The following PDE8A variants were observed in gnomAD, a reference collection of about 807,000 sequenced individuals.
The protein encoded by PDE8A is phosphodiesterase 8A.
Under a neutral mutation model 105.0 loss-of-function variants are expected in PDE8A, and 59 were observed. The ratio of observed to expected loss-of-function variants is 0.56; its 90% CI spans 0.46 to 0.70. The LOEUF (loss-of-function observed/expected upper bound fraction) is 0.70, where lower values mean the gene tolerates loss of function less well. Ranked by LOEUF, PDE8A falls within the 30% of genes least tolerant of loss-of-function variation. The probability of loss-of-function intolerance (pLI) is 0.00; values close to 1 mark genes in which losing one functional copy is unlikely to be tolerated. For missense variants in PDE8A, 1,014 were observed against 1,045.9 expected (o/e 0.97, Z 0.42); for synonymous variants, 355 against 371.9 (o/e 0.95, Z 0.52).
At chr15:85,078,145 C>CAA (rs34715649) in intron 5 of PDE8A, among the ~76,000 whole-genome samples, 4,054 of 119,960 alleles carry the variant, frequency 0.034, 164 homozygotes, top group African/African-American at 0.098. Flanking sequence ...AGTGAAACTG[C>CAA]AAAAAAAAAA....
chr15:85,114,187 G>C, intron 14 of PDE8A, 150 bp downstream of exon 14: 1 of 675,640 alleles, frequency 1.5e-6, no homozygotes, highest in Non-Finnish European at 2.5e-6. Flanking sequence ...CCTGGGTTCT[G>C]CTATTCTCTG....
At chr15:85,074,195 C>T (rs2081350990) in intron 3 of PDE8A, among the ~76,000 whole-genome samples, 1 of 152,210 alleles carries the variant, frequency 6.6e-6, no homozygotes, top group Non-Finnish European at 1.5e-5. Context: ...CAGCCTTTCT[C>T]AACCTGGATT....
At chr15:84,989,360 A>G (rs1449793183) in intron 1 of PDE8A, among the ~76,000 whole-genome samples, 1 of 152,206 alleles carries the variant, frequency 6.6e-6, no homozygotes, top group African/African-American at 2.4e-5. Context: ...TTTTGAATTC[A>G]TCCTCTTTCA....
intron 1 of PDE8A, among the ~76,000 whole-genome samples, chr15:85,022,115 C>A (rs1322519708): frequency 6.6e-6 from 1 of 152,182 alleles, no homozygotes; most frequent in African/African-American, 2.4e-5. Flanking sequence ...ATAGCTAATA[C>A]CACGGATAGT....
chr15:85,120,058 G>A (rs1194828264), intron 17 of PDE8A: 4 of 147,274 alleles, frequency 2.7e-5, no homozygotes, highest in Non-Finnish European at 5.9e-5. Context: ...TAGAAGTACT[G>A]CACACATATG....
intron 1 of PDE8A, among the ~76,000 whole-genome samples, chr15:85,000,697 C>T (rs2080053143): frequency 6.6e-6 from 1 of 152,182 alleles, no homozygotes; most frequent in South Asian, 2.1e-4. Flanking sequence ...GGCCCTGGCT[C>T]CTCCCCACCA....
intron 1 of PDE8A, among the ~76,000 whole-genome samples, chr15:85,059,569 T>C (rs1225391828): frequency 6.6e-6 from 1 of 152,232 alleles, no homozygotes; most frequent in Non-Finnish European, 1.5e-5. Context: ...GTTTAACATA[T>C]AGTGTCCTCC....
chr15:85,113,818 C>G, intron 13 of PDE8A, 55 bp from the exon 14 acceptor site: 1 of 1,369,730 alleles, frequency 7.3e-7, no homozygotes, highest in Non-Finnish European at 1.0e-6. Flanking sequence ...CCATGCCTGG[C>G]TCTCCCACTG....
In PDE8A at chr15:85,065,104, G is replaced by C. The variant is rs537194609; in HGVS notation, c.243+678G>C. On this transcript the variant is annotated intron_variant, in intron 2 of 21. Coordinates refer to ENST00000394553, the MANE Select transcript of PDE8A (RefSeq NM_002605.3). ...GGCAAAATGTTAATTGATGAATGTA[G>C]AGAAAGGGCATGTTTAGTGTTCATT... Among the ~76,000 whole-genome samples, 5 of 152,250 alleles carry C rather than the reference G, an allele frequency of 3.3e-5. No homozygotes were observed. The East Asian group carries it at 9.6e-4, about 29-fold the overall frequency.
intron 1 of PDE8A, among the ~76,000 whole-genome samples, chr15:85,005,437 A>G (rs1221189376): frequency 6.6e-6 from 1 of 152,174 alleles, no homozygotes; most frequent in Non-Finnish European, 1.5e-5. Context: ...AACTTTTAAT[A>G]TTTTGAGTTA....
intron 1 of PDE8A, among the ~76,000 whole-genome samples, chr15:85,005,638 C>G (rs1023893712): frequency 6.6e-5 from 10 of 152,084 alleles, no homozygotes; most frequent in African/African-American, 2.4e-4. Flanking sequence ...TTTGCACAAT[C>G]AGAATTCATT....
intron 11 of PDE8A, among the ~76,000 whole-genome samples, chr15:85,108,843 C>A (rs966790833): frequency 6.6e-6 from 1 of 152,058 alleles, no homozygotes; most frequent in African/African-American, 2.4e-5. Context: ...CTGTAAAGCC[C>A]TTGTTTATCT....
intron 1 of PDE8A, among the ~76,000 whole-genome samples, chr15:84,997,629 G>A (rs1455885520): frequency 3.3e-5 from 5 of 151,578 alleles, no homozygotes; most frequent in Non-Finnish European, 5.9e-5. Context: ...TTTTGCTCTC[G>A]TTGCCCAGGC....
intron 12 of PDE8A, among the ~76,000 whole-genome samples, chr15:85,110,436 T>C (rs777360596): frequency 1.3e-5 from 2 of 152,164 alleles, no homozygotes; most frequent in Non-Finnish European, 2.9e-5. Flanking sequence ...AAAATAGATA[T>C]AGAAAATCCA....
intron 3 of PDE8A, among the ~76,000 whole-genome samples, chr15:85,070,192 G>T (rs1037452082): frequency 6.6e-6 from 1 of 152,118 alleles, no homozygotes; most frequent in African/African-American, 2.4e-5. Flanking sequence ...TTGTTGACCT[G>T]TCTAAATGAC....
chr15:85,087,628 A>G (rs1596504670), intron 6 of PDE8A, among the ~76,000 whole-genome samples: 2 of 152,220 alleles, frequency 1.3e-5, no homozygotes, highest in East Asian at 3.8e-4. Context: ...TATACAAGGA[A>G]AAAACCTGGA....
At chr15:85,134,933 G>A (rs1360866959) in intron 20 of PDE8A, among the ~76,000 whole-genome samples, 2 of 152,198 alleles carry the variant, frequency 1.3e-5, no homozygotes, top group Non-Finnish European at 2.9e-5. Context: ...CAGAAAAAAG[G>A]CAATGGAGTC....
chr15:85,065,806 A>C (rs2081215552), intron 2 of PDE8A, among the ~76,000 whole-genome samples: 2 of 152,196 alleles, frequency 1.3e-5, no homozygotes, highest in African/African-American at 4.8e-5. Context: ...TGGGAATAGC[A>C]GGGAGAGAGA....
At chr15:85,103,688 T>C (rs982259107) in intron 11 of PDE8A, among the ~76,000 whole-genome samples, 1 of 152,204 alleles carries the variant, frequency 6.6e-6, no homozygotes, top group African/African-American at 2.4e-5. Context: ...AGCTGAGCAA[T>C]TGTCCCCACT....
Sources: allele counts gnomAD v4.1 joint callset (sites outside exome capture counted in the v4.1 genomes callset), GRCh38; gene constraint gnomAD v4.1.1; transcripts MANE v1.5; gene names NCBI Gene and HGNC (gene_info 2026-07-23, HGNC 2026-07-21).